CCBE1: variants seen among roughly 807,000 people sequenced by gnomAD.
CCBE1 encodes collagen and calcium-binding EGF domain-containing protein 1.
Under a neutral mutation model 50.0 loss-of-function variants are expected in CCBE1, and 37 were observed. The observed-to-expected ratio is 0.74, with a 90% CI of 0.57 to 0.97. CCBE1 has a LOEUF of 0.97. Ranked by LOEUF, CCBE1 falls within the 50% of genes least tolerant of loss-of-function variation. The probability of loss-of-function intolerance (pLI) is 0.00; values close to 1 mark genes in which losing one functional copy is unlikely to be tolerated. For missense variants in CCBE1, 538 were observed against 523.8 expected (o/e 1.03, Z -0.26); for synonymous variants, 234 against 203.7 (o/e 1.15, Z -1.27).
chr18:59,618,360 T>C (rs2053665176), intron 2 of CCBE1, among the ~76,000 whole-genome samples: 1 of 151,802 alleles, frequency 6.6e-6, no homozygotes, highest in Non-Finnish European at 1.5e-5. Flanking sequence ...AGATGTAAAA[T>C]GTAGAGTAGC....
intron 2 of CCBE1, among the ~76,000 whole-genome samples, chr18:59,594,361 GA>G (rs2053319699): frequency 6.6e-6 from 1 of 152,212 alleles, no homozygotes; most frequent in African/African-American, 2.4e-5. Context: ...CAGAGAGACA[GA>G]AAATAGAATG....
intron 2 of CCBE1, among the ~76,000 whole-genome samples, chr18:59,517,350 C>G (rs1372325628): frequency 1.3e-5 from 2 of 152,166 alleles, no homozygotes; most frequent in Admixed American, 1.3e-4. Flanking sequence ...TATTTAGCTA[C>G]CTTGGGGTCC....
chr18:59,531,542 A>G (rs1483127484), intron 2 of CCBE1, among the ~76,000 whole-genome samples: 2 of 152,084 alleles, frequency 1.3e-5, no homozygotes, highest in Admixed American at 1.3e-4. Context: ...GAGCCCAAGA[A>G]TTCAAGACCA....
chr18:59,663,575 C>A (rs2054314718), intron 2 of CCBE1, among the ~76,000 whole-genome samples: 1 of 151,898 alleles, frequency 6.6e-6, no homozygotes, highest in Non-Finnish European at 1.5e-5. Flanking sequence ...AGCGGGTAGA[C>A]CAAGCCAGGA....
In CCBE1 at chr18:59,697,409, G is replaced by T. The variant is rs2054826527; in HGVS notation, c.-67C>A. The T allele has an allele frequency of 5.3e-6, 8 of 1,506,276 alleles. No individual in the cohort carries two copies. The highest frequency in any genetic ancestry group is 7.1e-6 in the Non-Finnish European group (8 of 1,129,586). The allele number at this position is 1,506,276 out of a possible 1,614,324, so 93.3% of individuals were successfully genotyped here. On this transcript the variant is annotated 5_prime_UTR_variant, in exon 1 of 11. Transcript: ENST00000439986. ...GGACCAAGCGTCCTGCTCCTCCGCGGCCGCCGCCGCCTTCCCTCTTCCCGG... is the reference window on the plus strand; with the variant it reads ...GGACCAAGCGTCCTGCTCCTCCGCGTCCGCCGCCGCCTTCCCTCTTCCCGG...
rs9963834 is a variant in CCBE1, at chr18:59,508,350, A to G, written c.213-28112T>C. ...TGGTGGCTCACGCCTGTAATCCCAG[A>G]ACTTTGGGAGGCCGAGGCAGGTGGA... On this transcript the variant is annotated intron_variant, in intron 2 of 10. Coordinates refer to ENST00000439986, the MANE Select transcript of CCBE1 (RefSeq NM_133459.4). Among the ~76,000 whole-genome samples, 4 of 151,310 alleles carry G rather than the reference A, an allele frequency of 2.6e-5. No individual in the cohort carries two copies. In the East Asian group the frequency reaches 7.9e-4, roughly 30 times the overall value.
At chr18:59,561,850 GTGGA>G (rs1300269398) in intron 2 of CCBE1, among the ~76,000 whole-genome samples, 5 of 152,188 alleles carry the variant, frequency 3.3e-5, no homozygotes, top group African/African-American at 9.7e-5. Context: ...CCGAGACAGG[GTGGA>G]TGGTGTGAGA....
At chr18:59,451,818 AAAGT>A (rs1309726999) in intron 6 of CCBE1, among the ~76,000 whole-genome samples, 5 of 152,228 alleles carry the variant, frequency 3.3e-5, no homozygotes, top group Admixed American at 6.5e-5. Context: ...AAAAATAAAA[AAAGT>A]AAGCACCCTT....
intron 2 of CCBE1, among the ~76,000 whole-genome samples, chr18:59,675,441 T>TC (rs1329857105): frequency 6.6e-6 from 1 of 152,116 alleles, no homozygotes; most frequent in Non-Finnish European, 1.5e-5. Flanking sequence ...TACATCTCTC[T>TC]CCCCCACACA....
intron 2 of CCBE1, among the ~76,000 whole-genome samples, chr18:59,571,342 C>G (rs922603887): frequency 2.0e-5 from 3 of 152,008 alleles, no homozygotes; most frequent in African/African-American, 7.3e-5. Context: ...ATGGATGAAG[C>G]TGGAAACCAT....
At chr18:59,611,163 A>T (rs1287937033) in intron 2 of CCBE1, among the ~76,000 whole-genome samples, 2 of 152,252 alleles carry the variant, frequency 1.3e-5, no homozygotes. Flanking sequence ...TGTATGAGCA[A>T]CGCAGTCTTA....
At chr18:59,620,846 T>C (rs1184724347) in intron 2 of CCBE1, among the ~76,000 whole-genome samples, 2 of 152,206 alleles carry the variant, frequency 1.3e-5, no homozygotes, top group Non-Finnish European at 2.9e-5. Flanking sequence ...TATGTCTTTA[T>C]CAGCAATGTG....
intron 2 of CCBE1, among the ~76,000 whole-genome samples, chr18:59,627,822 G>A (rs541915134): frequency 6.6e-6 from 1 of 152,274 alleles, no homozygotes; most frequent in South Asian, 2.1e-4. Context: ...ATACATTTCT[G>A]TTTTTTTAAG....
At chr18:59,620,662 C>T (rs1421195735) in intron 2 of CCBE1, among the ~76,000 whole-genome samples, 1 of 152,142 alleles carries the variant, frequency 6.6e-6, no homozygotes, top group African/African-American at 2.4e-5. Flanking sequence ...GAATAAGTCT[C>T]ACAAGATCTG....
chr18:59,463,617 T>A (rs1212451875), intron 5 of CCBE1, among the ~76,000 whole-genome samples: 1 of 152,150 alleles, frequency 6.6e-6, no homozygotes, highest in East Asian at 1.9e-4. Flanking sequence ...TCATTGCTAG[T>A]GATGGTTGGT....
chr18:59,677,383 C>T lies in CCBE1; in HGVS notation c.212+19246G>A, dbSNP rs562325520. On this transcript the variant is annotated intron_variant, in intron 2 of 10. Transcript: ENST00000439986. Reference sequence around the variant, plus strand: ...GACTGTGCTGTGAGTGGGGGCTGGTCGGGGGTAGAAATCACCATCTCTACT... The same window carrying T: ...GACTGTGCTGTGAGTGGGGGCTGGTTGGGGGTAGAAATCACCATCTCTACT... 2.0e-4 allele frequency among the ~76,000 whole-genome samples: 31 copies of T among 152,104 alleles called. 1 individual carries two copies. The South Asian group carries it at 4.6e-3, about 22-fold the overall frequency.
chr18:59,487,680 A>C (rs755109471), intron 2 of CCBE1, among the ~76,000 whole-genome samples: 6 of 152,260 alleles, frequency 3.9e-5, no homozygotes, highest in Non-Finnish European at 7.3e-5. Context: ...TGTTATTACC[A>C]AATCTCTGTG....
chr18:59,516,671 C>T (rs1259031203), intron 2 of CCBE1, among the ~76,000 whole-genome samples: 1 of 152,176 alleles, frequency 6.6e-6, no homozygotes, highest in African/African-American at 2.4e-5. Context: ...ACGGACCTTC[C>T]TGGCTTGCTA....
intron 2 of CCBE1, among the ~76,000 whole-genome samples, chr18:59,494,397 T>C (rs1411007963): frequency 1.3e-5 from 2 of 152,174 alleles, no homozygotes; most frequent in Admixed American, 6.5e-5. Context: ...CTCCCAAACC[T>C]GAACCTAATT....
Sources: gnomAD v4.1 joint callset for allele counts (sites outside exome capture counted in the v4.1 genomes callset) on GRCh38, gnomAD v4.1.1 for gene constraint, MANE v1.5 for transcripts, NCBI Gene and HGNC (gene_info 2026-07-23, HGNC 2026-07-21) for gene names.